Variants in SLCO3A1 observed in about 807,000 individuals in gnomAD.
SLCO3A1 encodes the protein solute carrier organic anion transporter family member 3A1, also known as PGE1 transporter.
A neutral mutation model predicts 63.1 loss-of-function variants in SLCO3A1; 27 were observed. The ratio of observed to expected loss-of-function variants is 0.43; its 90% CI spans 0.32 to 0.59. SLCO3A1 has a LOEUF of 0.59. Ranked by LOEUF, SLCO3A1 falls within the 20% of genes least tolerant of loss-of-function variation. The pLI is 0.09. For missense variants in SLCO3A1, 773 were observed against 945.8 expected (o/e 0.82, Z 2.40); for synonymous variants, 473 against 409.9 (o/e 1.15, Z -1.86).
chr15:92,058,249 A>G (rs1356405539), intron 2 of SLCO3A1, among the ~76,000 whole-genome samples: 2 of 152,138 alleles, frequency 1.3e-5, no homozygotes, highest in Non-Finnish European at 2.9e-5. Flanking sequence ...CCAGAAACTG[A>G]GGTCAAGTCC....
chr15:92,150,161 G>A (rs939065980), intron 8 of SLCO3A1, among the ~76,000 whole-genome samples: 1 of 152,134 alleles, frequency 6.6e-6, no homozygotes, highest in East Asian at 1.9e-4. Context: ...AATGTTCGAG[G>A]GCAGAAGGGG....
intron 1 of SLCO3A1, among the ~76,000 whole-genome samples, chr15:91,911,852 C>T (rs929524397): frequency 2.6e-5 from 4 of 152,112 alleles, no homozygotes; most frequent in Admixed American, 6.5e-5. Flanking sequence ...GTCTCGATCT[C>T]TTGACCTTGT....
chr15:91,930,531 A>G (rs1899189366), intron 2 of SLCO3A1, among the ~76,000 whole-genome samples: 1 of 152,168 alleles, frequency 6.6e-6, no homozygotes, highest in South Asian at 2.1e-4. Context: ...ATAGTATTGT[A>G]TTTTTGAGAC....
chr15:92,104,300 A>G lies in SLCO3A1; in HGVS notation c.767A>G (p.Asp256Gly), dbSNP rs760998070. Residue 256 changes from aspartate (D) to glycine (G), a missense_variant, in exon 4 of 10, where the codon GAC becomes GGC. Around this residue, in one of 3 missense-constraint regions of SLCO3A1, gnomAD observed 565 missense variants for 749.8 expected, o/e 0.75. Transcript: ENST00000318445. ...IDTSNLDITP[D>G]DPRWIGAWWG... ...ACAGGTAACCTGGACATCACTCCGG[A>G]CGACCCCCGCTGGATCGGAGCCTGG... The G allele has an allele frequency of 9.9e-6, 16 of 1,613,860 alleles. No homozygotes were observed. The highest frequency in any genetic ancestry group is 1.0e-5 in the Non-Finnish European group (12 of 1,179,996).
intron 4 of SLCO3A1, among the ~76,000 whole-genome samples, chr15:92,116,686 C>T (rs1271211817): frequency 2.0e-5 from 3 of 152,218 alleles, no homozygotes; most frequent in African/African-American, 7.2e-5. Context: ...AAGCTTGAAA[C>T]ACAGGGTTGG....
chr15:91,934,925 C>G (rs1219140786), intron 2 of SLCO3A1, among the ~76,000 whole-genome samples: 1 of 152,132 alleles, frequency 6.6e-6, no homozygotes, highest in Admixed American at 6.6e-5. Context: ...ATTGGTAAAA[C>G]TCTTTGGAGG....
chr15:92,170,785 C>G (rs1472443298), downstream of SLCO3A1: 1 of 152,198 alleles, frequency 6.6e-6, no homozygotes, highest in Admixed American at 6.5e-5. Context: ...CAAAACACTC[C>G]TCCTTCCTAC....
intron 2 of SLCO3A1, among the ~76,000 whole-genome samples, chr15:92,086,749 G>T (rs2047409203): frequency 6.6e-6 from 1 of 152,160 alleles, no homozygotes; most frequent in Non-Finnish European, 1.5e-5. Flanking sequence ...GCCAAGGTGG[G>T]TGGATCACCT....
chr15:92,127,594 GAGA>G (rs1405309722), intron 6 of SLCO3A1, among the ~76,000 whole-genome samples: 1 of 152,168 alleles, frequency 6.6e-6, no homozygotes, highest in Non-Finnish European at 1.5e-5. Flanking sequence ...TGAGCCTTAG[GAGA>G]CATAGCTGAA....
intron 1 of SLCO3A1, among the ~76,000 whole-genome samples, chr15:91,898,184 C>T (rs1898055630): frequency 6.6e-6 from 1 of 152,084 alleles, no homozygotes; most frequent in South Asian, 2.1e-4. Context: ...CTGGTGCACA[C>T]AGCAACATGC....
At chr15:92,094,798 A>C in intron 2 of SLCO3A1, 83 bp from the exon 3 acceptor site, 1 of 868,130 alleles carries the variant, frequency 1.2e-6, no homozygotes, top group Non-Finnish European at 1.9e-6. Context: ...CATCAATGTA[A>C]AATAATCTCC....
intron 7 of SLCO3A1, among the ~76,000 whole-genome samples, chr15:92,136,744 T>C (rs2048062049): frequency 6.6e-6 from 1 of 152,206 alleles, no homozygotes; most frequent in African/African-American, 2.4e-5. Flanking sequence ...CGCTATTTAC[T>C]TCTTCCTCAA....
At chr15:92,125,921 C>T (rs937658800) in intron 5 of SLCO3A1, 140 bp from the exon 6 acceptor site, 11 of 691,830 alleles carry the variant, frequency 1.6e-5, no homozygotes, top group Non-Finnish European at 2.5e-5. Context: ...CCTGAAGACT[C>T]CAGGGTCCCA....
intron 9 of SLCO3A1, among the ~76,000 whole-genome samples, chr15:92,153,850 A>G (rs529102003): frequency 1.4e-4 from 22 of 152,206 alleles, no homozygotes; most frequent in African/African-American, 5.3e-4. Flanking sequence ...GAAGGCCCAG[A>G]CTGGGGGGAA....
intron 2 of SLCO3A1, among the ~76,000 whole-genome samples, chr15:92,029,890 G>T (rs796292447): frequency 6.6e-6 from 1 of 150,700 alleles, no homozygotes; most frequent in South Asian, 2.1e-4. Flanking sequence ...GCACCTTCTT[G>T]GCTCAGGTGA....
intron 1 of SLCO3A1, among the ~76,000 whole-genome samples, chr15:91,888,822 A>C (rs1188367170): frequency 2.0e-5 from 3 of 152,020 alleles, no homozygotes; most frequent in African/African-American, 7.2e-5. Context: ...ATCTCTACAA[A>C]AAAACAAAAC....
At position 91,979,193 on chromosome 15, in the gene SLCO3A1, AT is replaced by A. The variant is rs200352629; in HGVS notation, c.646+62746del. Among the ~76,000 whole-genome samples the A allele has an allele frequency of 1.0e-3, 150 of 149,420 alleles. 1 individual carries two copies. The highest frequency in any genetic ancestry group is 3.9e-3 in the East Asian group (20 of 5,124). On this transcript the variant is annotated intron_variant, in intron 2 of 9. Transcript: ENST00000318445. ...AAGCTTGGGACCAGAAGTGTTTCTA[AT>A]TTTTTTTTTTAATTTTGGAATATGT...
chr15:92,114,260 G>GTT (rs2047765124), intron 4 of SLCO3A1, among the ~76,000 whole-genome samples: 1 of 152,142 alleles, frequency 6.6e-6, no homozygotes, highest in African/African-American at 2.4e-5. Flanking sequence ...TGTTGCCTCA[G>GTT]TTAGTGTTTC....
chr15:91,955,406 C>T (rs1900138424), intron 2 of SLCO3A1, among the ~76,000 whole-genome samples: 1 of 151,756 alleles, frequency 6.6e-6, no homozygotes, highest in Non-Finnish European at 1.5e-5. Context: ...GGTTTCAGCT[C>T]ACTACAACCT....
Sources: allele counts gnomAD v4.1 joint callset (sites outside exome capture counted in the v4.1 genomes callset), GRCh38; gene constraint gnomAD v4.1.1; regional missense constraint gnomAD v4.1.1; transcripts MANE v1.5; gene names NCBI Gene and HGNC (gene_info 2026-07-23, HGNC 2026-07-21).